MAGT1: variants seen among roughly 807,000 people sequenced by gnomAD.
MAGT1 encodes the protein dolichyl-diphosphooligosaccharide--protein glycosyltransferase subunit MAGT1.
A neutral mutation model predicts 28.4 loss-of-function variants in MAGT1; 4 were observed. That is an observed-to-expected ratio of 0.14 (90% CI 0.07 to 0.32). The LOEUF is 0.32. MAGT1 is among the 10% of genes least tolerant of loss of function. The pLI is 1.00. For synonymous variants in MAGT1, 89 were observed against 89.7 expected (o/e 0.99, Z 0.04); for missense variants, 193 against 264.5 (o/e 0.73, Z 1.88).
intron 2 of MAGT1, among the ~76,000 whole-genome samples, chrX:77,873,896 ATCCTC>A (rs782759252): frequency 1.8e-5 from 2 of 111,063 alleles, no homozygotes; most frequent in East Asian, 5.7e-4. Flanking sequence ...CTTTCACCAC[ATCCTC>A]TCCTAAGACT....
intron 2 of MAGT1, among the ~76,000 whole-genome samples, chrX:77,874,736 A>G (rs1302621364): frequency 9.0e-6 from 1 of 111,212 alleles, no homozygotes; most frequent in Non-Finnish European, 1.9e-5. Context: ...AAATAGTAGG[A>G]TATTTGCTTT....
At chrX:77,845,534 A>G (rs782072493) in intron 7 of MAGT1, among the ~76,000 whole-genome samples, 8 of 111,717 alleles carry the variant, frequency 7.2e-5, no homozygotes, top group Admixed American at 2.9e-4. Context: ...TCCTAGCATC[A>G]ATGGTCTTTA....
At chrX:77,865,561 G>A (rs1434310954) in intron 3 of MAGT1, among the ~76,000 whole-genome samples, 1 of 110,466 alleles carries the variant, frequency 9.1e-6, no homozygotes, top group Admixed American at 9.8e-5. Flanking sequence ...CCAAAGTGCT[G>A]GGATTACAGG....
intron 2 of MAGT1, 92 bp from the exon 3 acceptor site, chrX:77,871,017 T>C (rs962962817): frequency 4.9e-5 from 30 of 616,904 alleles, no homozygotes; most frequent in South Asian, 1.1e-4. Context: ...AAGCAAGCAA[T>C]AGCAGGTTTT....
chrX:77,888,828 C>T (rs2077073897), intron 1 of MAGT1, among the ~76,000 whole-genome samples: 1 of 111,087 alleles, frequency 9.0e-6, no homozygotes, highest in Non-Finnish European at 1.9e-5. Context: ...TTATGGGGTA[C>T]ATGAGATACT....
chrX:77,868,957 G>A (rs2077013974), intron 3 of MAGT1, among the ~76,000 whole-genome samples: 3 of 112,235 alleles, frequency 2.7e-5, no homozygotes, highest in Non-Finnish European at 5.6e-5. Flanking sequence ...GGGGACAAAA[G>A]AAATCAACTC....
At chrX:77,854,233 G>A (rs1212109264) in intron 6 of MAGT1, among the ~76,000 whole-genome samples, 11 of 111,257 alleles carry the variant, frequency 9.9e-5, no homozygotes, top group African/African-American at 1.6e-4. Context: ...GGAGTGCAGC[G>A]GCATGATCAT....
At chrX:77,834,554 G>A (rs183299414) in intron 8 of MAGT1, among the ~76,000 whole-genome samples, 11 of 109,495 alleles carry the variant, frequency 1.0e-4, no homozygotes, top group Non-Finnish European at 2.1e-4. Flanking sequence ...GGCTGGTCTC[G>A]AACTCCTGGC....
At position 77,895,316 on chromosome X, in the gene MAGT1, T is replaced by C. The variant is rs1557219804; in HGVS notation, c.95A>G (p.Lys32Arg). 1 of 1,212,132 alleles carries C rather than the reference T, an allele frequency of 8.2e-7. No homozygotes were observed. The highest frequency in any genetic ancestry group is 1.1e-6 in the Non-Finnish European group (1 of 895,578). ...TGGAAACCGCGTTCTCACCTCCTTC[T>C]TTCTTTGGGCAGAGGCTGAGGGAAC... ...CDVPSASAQR[K>R]KEMVLSEKVS... is the part of the protein sequence containing the mutation. Residue 32 changes from lysine to arginine, a missense_variant, in exon 1 of 10, where the codon AAG becomes AGG. Physicochemically the swap from Lys to Arg is conservative, Grantham distance 26. Coordinates refer to ENST00000618282, the MANE Select transcript of MAGT1 (RefSeq NM_001367916.1).
chrX:77,863,855 C>G (rs2077001306), intron 3 of MAGT1, among the ~76,000 whole-genome samples: 1 of 110,851 alleles, frequency 9.0e-6, no homozygotes, highest in Admixed American at 9.7e-5. Flanking sequence ...AACCCCATCT[C>G]TACTAAAAAT....
At chrX:77,883,064 T>C (rs1569548277) in intron 1 of MAGT1, among the ~76,000 whole-genome samples, 1 of 99,336 alleles carries the variant, frequency 1.0e-5, no homozygotes, top group Non-Finnish European at 2.0e-5. Context: ...ATTAATATAA[T>C]AATATAATAT....
chrX:77,832,439 T>C (rs1403589923), intron 8 of MAGT1, among the ~76,000 whole-genome samples: 1 of 110,529 alleles, frequency 9.0e-6, no homozygotes, highest in Admixed American at 9.7e-5. Context: ...AAAACCCTCA[T>C]GATGTTTTAA....
Position 77,841,851 on chromosome X carries a change from A to AT in MAGT1, c.827-532dup, listed in dbSNP as rs34014897. 4.8e-3 allele frequency among the ~76,000 whole-genome samples: 383 copies of AT among 80,022 alleles called. 5 individuals carry two copies. The highest frequency in any genetic ancestry group is 0.011 in the East Asian group (26 of 2,439). 69.5% of individuals were successfully genotyped at this position (80,022 alleles called of 115,157 possible). A position where few individuals can be genotyped will look rare whatever the true frequency, so the allele number is the denominator to read the frequency against. On this transcript the variant is annotated intron_variant, in intron 7 of 9. Coordinates refer to ENST00000618282, the MANE Select transcript of MAGT1 (RefSeq NM_001367916.1). ...CCACCACGCCCAGTTAAATTCTGTA[A>AT]TTTTTTTTTTTTTTTTTTTGTAGAG...
At chrX:77,862,938 G>C (rs782385091) in intron 3 of MAGT1, among the ~76,000 whole-genome samples, 1 of 110,936 alleles carries the variant, frequency 9.0e-6, no homozygotes, top group Non-Finnish European at 1.9e-5. Flanking sequence ...AGGCCGAGGC[G>C]GGTGGATCAC....
At chrX:77,865,937 C>T (rs62614905) in intron 3 of MAGT1, among the ~76,000 whole-genome samples, 14,332 of 60,636 alleles carry the variant, frequency 0.24, 3,826 homozygotes, top group Non-Finnish European at 0.44. Flanking sequence ...GGGCAGATCA[C>T]CCGAGGTCAG....
At chrX:77,893,924 T>C (rs1371750518) in intron 1 of MAGT1, among the ~76,000 whole-genome samples, 1 of 109,513 alleles carries the variant, frequency 9.1e-6, no homozygotes, top group Admixed American at 9.8e-5. Flanking sequence ...AAAGTGGTCA[T>C]CGTGGAAATT....
At chrX:77,887,785 C>T (rs1234629135) in intron 1 of MAGT1, among the ~76,000 whole-genome samples, 1 of 112,222 alleles carries the variant, frequency 8.9e-6, no homozygotes, top group Non-Finnish European at 1.9e-5. Context: ...AATTCGCAAA[C>T]AACTCCTAAT....
chrX:77,856,810 T>A lies in MAGT1; in HGVS notation c.595A>T (p.Ile199Phe), dbSNP rs1191465689. Residue 199 changes from isoleucine (I) to phenylalanine (F), a missense_variant, in exon 5 of 10, where the codon ATT (isoleucine) becomes TTT (phenylalanine). By Grantham distance (21) the Ile-to-Phe change is conservative (BLOSUM62 0). Coordinates refer to ENST00000618282, the MANE Select transcript of MAGT1 (RefSeq NM_001367916.1). ...CTTCGAAGATACACAAGTCCACCAA[T>A]AACAGCCAAAAGCAATCCCAACATA... The part of the protein sequence containing the change: ...PLMLGLLLAV[I>F]GGLVYLRRSN... 26 of 1,205,124 alleles carry A rather than the reference T, an allele frequency of 2.2e-5. No individual in the cohort carries two copies. The highest frequency in any genetic ancestry group is 2.8e-5 in the Non-Finnish European group (25 of 891,235).
intron 8 of MAGT1, among the ~76,000 whole-genome samples, chrX:77,840,274 A>G (rs1358523289): frequency 2.8e-5 from 3 of 106,659 alleles, no homozygotes; most frequent in East Asian, 2.9e-4. Flanking sequence ...AAAAACCCCA[A>G]AAAACAAAAA....
Sources: gnomAD v4.1 joint callset for allele counts (sites outside exome capture counted in the v4.1 genomes callset) on GRCh38, gnomAD v4.1.1 for gene constraint, MANE v1.5 for transcripts, NCBI Gene and HGNC (gene_info 2026-07-23, HGNC 2026-07-21) for gene names.